The following SLC24A3 variants were observed in gnomAD, a reference collection of about 807,000 sequenced individuals.
SLC24A3 encodes the protein solute carrier family 24 member 3.
In SLC24A3, 28 loss-of-function variants were observed where a neutral mutation model predicts 75.8. The observed-to-expected ratio is 0.37, with a 90% confidence interval of 0.27 to 0.51. SLC24A3 has a LOEUF of 0.51. Among genes scored for constraint, SLC24A3 ranks in the 20% least tolerant of loss-of-function variants. The probability of loss-of-function intolerance (pLI) is 0.94; values close to 1 mark genes in which losing one functional copy is unlikely to be tolerated. For missense variants in SLC24A3, 663 were observed against 847.8 expected, an observed-to-expected ratio of 0.78 and a Z score of 2.71; for synonymous variants, 372 against 334.1, an observed-to-expected ratio of 1.11 and a Z score of -1.24.
At chr20:19,449,783 C>G (rs1356195978) in intron 2 of SLC24A3, among the ~76,000 whole-genome samples, 1 of 152,194 alleles carries the variant, frequency 6.6e-6, no homozygotes, top group Non-Finnish European at 1.5e-5. Flanking sequence ...CTCATCTTCC[C>G]CCCTGTTCTG....
chr20:19,442,433 C>T (rs6035338), intron 2 of SLC24A3, among the ~76,000 whole-genome samples: 66,764 of 151,974 alleles, frequency 0.44, 15,432 homozygotes, highest in East Asian at 0.89. Flanking sequence ...TCTCATTGTT[C>T]TTCTAATTTG....
At chr20:19,520,440 C>T (rs1326033180) in intron 3 of SLC24A3, among the ~76,000 whole-genome samples, 1 of 152,098 alleles carries the variant, frequency 6.6e-6, no homozygotes, top group African/African-American at 2.4e-5. Flanking sequence ...TGCCTTAGGC[C>T]CCTTCTGTTT....
intron 2 of SLC24A3, among the ~76,000 whole-genome samples, chr20:19,496,343 G>A (rs949826795): frequency 7.2e-5 from 11 of 152,188 alleles, no homozygotes; most frequent in African/African-American, 2.7e-4. Context: ...AGGAGCTGAT[G>A]GGCTGTGGAG....
At chr20:19,321,923 G>A (rs1011335657) in intron 2 of SLC24A3, among the ~76,000 whole-genome samples, 1 of 151,982 alleles carries the variant, frequency 6.6e-6, no homozygotes, top group African/African-American at 2.4e-5. Flanking sequence ...ACTGACATTT[G>A]GATGCATCCA....
chr20:19,673,395 C>G lies in SLC24A3; in HGVS notation c.714-206C>G, dbSNP rs906019907. 7.2e-5 allele frequency among the ~76,000 whole-genome samples: 11 copies of G among 152,298 alleles called. 1 individual carries two copies. The highest frequency in any genetic ancestry group is 2.0e-4 in the Admixed American group (3 of 15,302). ...TAACAGAGAGGAAGGGGCATTTTCC[C>G]TTTAGGTGAGGAGAGAAGAGAAAGA... On this transcript the variant is annotated intron_variant, in intron 8 of 16. Coordinates refer to ENST00000328041, the MANE Select transcript of SLC24A3 (RefSeq NM_020689.4).
chr20:19,610,028 C>A (rs2031651040), intron 6 of SLC24A3, among the ~76,000 whole-genome samples: 1 of 152,224 alleles, frequency 6.6e-6, no homozygotes, highest in African/African-American at 2.4e-5. Flanking sequence ...TGGAAAACTG[C>A]TCATTTGTTT....
At chr20:19,606,508 C>G (rs1225615979) in intron 6 of SLC24A3, among the ~76,000 whole-genome samples, 3 of 152,168 alleles carry the variant, frequency 2.0e-5, no homozygotes, top group Admixed American at 1.3e-4. Context: ...TAAAACCTCT[C>G]ACTAAATTTG....
At chr20:19,329,770 G>A (rs1349249558) in intron 2 of SLC24A3, among the ~76,000 whole-genome samples, 1 of 152,154 alleles carries the variant, frequency 6.6e-6, no homozygotes, top group Non-Finnish European at 1.5e-5. Flanking sequence ...GTTTGTGGTT[G>A]AAAACATGTT....
chr20:19,491,298 C>A (rs1988205980), intron 2 of SLC24A3, among the ~76,000 whole-genome samples: 1 of 152,210 alleles, frequency 6.6e-6, no homozygotes, highest in Non-Finnish European at 1.5e-5. Flanking sequence ...GTGTTTCCTG[C>A]ACATTGAATC....
chr20:19,289,559 A>G (rs1983890651), intron 2 of SLC24A3, among the ~76,000 whole-genome samples: 1 of 152,184 alleles, frequency 6.6e-6, no homozygotes, highest in African/African-American at 2.4e-5. Flanking sequence ...GGTGCTGGGA[A>G]CACCCACCTT....
chr20:19,277,642 T>C (rs1230439386), intron 1 of SLC24A3, among the ~76,000 whole-genome samples: 1 of 152,238 alleles, frequency 6.6e-6, no homozygotes, highest in Non-Finnish European at 1.5e-5. Flanking sequence ...AAATACACTT[T>C]TGTTGAGATA....
intron 6 of SLC24A3, among the ~76,000 whole-genome samples, chr20:19,642,783 G>T (rs951131747): frequency 6.6e-6 from 1 of 152,178 alleles, no homozygotes; most frequent in Non-Finnish European, 1.5e-5. Context: ...TTAAGGAAGG[G>T]TTCTTTGTTG....
intron 13 of SLC24A3, among the ~76,000 whole-genome samples, chr20:19,695,176 C>A (rs193111988): frequency 3.1e-4 from 47 of 152,304 alleles, no homozygotes; most frequent in African/African-American, 1.0e-3. Context: ...TCACATCCCC[C>A]CAATCTTTGA....
At chr20:19,653,943 T>C (rs2089202634) in intron 6 of SLC24A3, 119 bp from the exon 7 acceptor site, 1 of 658,846 alleles carries the variant, frequency 1.5e-6, no homozygotes, top group South Asian at 2.4e-5. Flanking sequence ...TTCCGATTGA[T>C]TGGCAGATTG....
At chr20:19,550,969 A>T (rs1384777663) in intron 3 of SLC24A3, among the ~76,000 whole-genome samples, 5 of 152,254 alleles carry the variant, frequency 3.3e-5, no homozygotes, top group African/African-American at 1.2e-4. Context: ...ATGAGAACGT[A>T]AGGCACGGGC....
intron 3 of SLC24A3, among the ~76,000 whole-genome samples, chr20:19,561,870 C>A (rs925163811): frequency 6.6e-6 from 1 of 152,132 alleles, no homozygotes; most frequent in Admixed American, 6.5e-5. Context: ...CTGTCTGATT[C>A]CTGGTTTGTA....
Position 19,585,071 on chromosome 20 carries a change from A to G in SLC24A3, c.508+16A>G. 6.2e-7 allele frequency: 1 copy of G among 1,603,868 alleles called. No homozygotes were observed. The highest frequency in any genetic ancestry group is 8.5e-7 in the Non-Finnish European group (1 of 1,171,520). On this transcript the variant is annotated intron_variant, in intron 5 of 16. Transcript: ENST00000328041. Reference sequence around the variant, plus strand: ...TCGGTCATAGGTAGGTGACAGACTGAGGGACATCTCAGACCTTCACTGTCT... The same window carrying G: ...TCGGTCATAGGTAGGTGACAGACTGGGGGACATCTCAGACCTTCACTGTCT...
intron 2 of SLC24A3, among the ~76,000 whole-genome samples, chr20:19,375,455 A>G (rs1600454088): frequency 6.6e-6 from 1 of 152,298 alleles, no homozygotes; most frequent in East Asian, 1.9e-4. Flanking sequence ...CTTGGCTGAA[A>G]TGGAGGCGGG....
At chr20:19,415,073 C>A (rs186272111) in intron 2 of SLC24A3, among the ~76,000 whole-genome samples, 11 of 152,080 alleles carry the variant, frequency 7.2e-5, no homozygotes, top group African/African-American at 2.7e-4. Flanking sequence ...CATTATAATA[C>A]CTATAAATGT....
Sources: allele counts gnomAD v4.1 joint callset (sites outside exome capture counted in the v4.1 genomes callset), GRCh38; gene constraint gnomAD v4.1.1; transcripts MANE v1.5; gene names NCBI Gene and HGNC (gene_info 2026-07-23, HGNC 2026-07-21).